The following EPHA6 variants were observed in gnomAD, a reference collection of about 807,000 sequenced individuals.
EPHA6 encodes the protein EPH receptor A6.
EPHA6 carries 50 observed loss-of-function variants against 112.0 expected under a neutral mutation model. The ratio of observed to expected loss-of-function variants is 0.45; its 90% confidence interval spans 0.36 to 0.56. The LOEUF (loss-of-function observed/expected upper bound fraction) is 0.56, where lower values mean the gene tolerates loss of function less well. Ranked by LOEUF, EPHA6 falls within the 20% of genes least tolerant of loss-of-function variation. The pLI is 0.00. For synonymous variants in EPHA6, 529 were observed against 490.7 expected (o/e 1.08, Z -1.03); for missense variants, 1,280 against 1,417.4 (o/e 0.90, Z 1.56).
At chr3:97,701,864 A>G (rs2033413683) in intron 14 of EPHA6, among the ~76,000 whole-genome samples, 1 of 152,156 alleles carries the variant, frequency 6.6e-6, no homozygotes, top group Non-Finnish European at 1.5e-5. Context: ...GGAACAATGT[A>G]TAGTGATTCC....
At chr3:97,521,283 T>A (rs1397826628) in intron 10 of EPHA6, among the ~76,000 whole-genome samples, 1 of 152,206 alleles carries the variant, frequency 6.6e-6, no homozygotes, top group East Asian at 1.9e-4. Context: ...GTTTCTTGTG[T>A]CTTTACATTT....
chr3:97,065,929 C>T (rs1305812352), intron 3 of EPHA6, among the ~76,000 whole-genome samples: 1 of 151,718 alleles, frequency 6.6e-6, no homozygotes, highest in Non-Finnish European at 1.5e-5. Context: ...TGCAGATGCT[C>T]ACAACTATAA....
intron 2 of EPHA6, among the ~76,000 whole-genome samples, chr3:96,902,132 G>A (rs1009034397): frequency 1.3e-5 from 2 of 152,160 alleles, no homozygotes; most frequent in African/African-American, 4.8e-5. Context: ...AAAGGACAAG[G>A]ACGATGGAGA....
At chr3:97,651,967 C>T (rs1195436794) in intron 14 of EPHA6, among the ~76,000 whole-genome samples, 3 of 151,896 alleles carry the variant, frequency 2.0e-5, no homozygotes, top group Non-Finnish European at 4.4e-5. Flanking sequence ...AGGTAGTGAG[C>T]ATAGAACCCA....
intron 3 of EPHA6, among the ~76,000 whole-genome samples, chr3:97,030,849 T>C (rs977643196): frequency 1.3e-5 from 2 of 152,054 alleles, no homozygotes; most frequent in African/African-American, 2.4e-5. Flanking sequence ...ATGAGAGTTT[T>C]TCTATCGCCA....
intron 2 of EPHA6, among the ~76,000 whole-genome samples, chr3:96,934,140 C>A (rs1182604323): frequency 6.6e-6 from 1 of 151,820 alleles, no homozygotes; most frequent in Non-Finnish European, 1.5e-5. Context: ...GTTCTATTCA[C>A]AGGGGCAAGT....
chr3:97,660,099 AT>A (rs1198040091), intron 14 of EPHA6, among the ~76,000 whole-genome samples: 1 of 152,008 alleles, frequency 6.6e-6, no homozygotes, highest in Non-Finnish European at 1.5e-5. Flanking sequence ...TCTTATGTGC[AT>A]TTTTTTAATT....
chr3:97,117,839 G>T (rs2047934675), intron 3 of EPHA6, among the ~76,000 whole-genome samples: 1 of 151,728 alleles, frequency 6.6e-6, no homozygotes, highest in Non-Finnish European at 1.5e-5. Context: ...AGTATGAATG[G>T]TGCAGCATAA....
chr3:96,827,332 C>G (rs916640904), intron 1 of EPHA6, among the ~76,000 whole-genome samples: 4 of 152,080 alleles, frequency 2.6e-5, no homozygotes, highest in African/African-American at 7.2e-5. Flanking sequence ...TTTTCCAGCC[C>G]TCATTCCTTA....
At chr3:97,193,354 T>A (rs951265684) in intron 3 of EPHA6, among the ~76,000 whole-genome samples, 5 of 152,104 alleles carry the variant, frequency 3.3e-5, no homozygotes, top group African/African-American at 1.2e-4. Context: ...AGATTTTTCA[T>A]TTGTTTGGTT....
At chr3:97,442,138 T>G (rs913626818) in intron 6 of EPHA6, among the ~76,000 whole-genome samples, 1 of 152,170 alleles carries the variant, frequency 6.6e-6, no homozygotes, top group African/African-American at 2.4e-5. Flanking sequence ...ATAAGCTCTT[T>G]TATCATTATT....
At position 97,186,575 on chromosome 3, in the gene EPHA6, C is replaced by T. The variant is rs372367948; in HGVS notation, c.1115-39689C>T. Among the ~76,000 whole-genome samples, 15 of 152,128 alleles carry T rather than the reference C, an allele frequency of 9.9e-5. No individual in the cohort carries two copies. In the East Asian group the frequency reaches 2.5e-3, roughly 26 times the overall value. ...AGGATTTACTGGGTGCCAAACGTATCGATTCAAAGTTTTTAATAAAGTCTG... is the reference window on the plus strand; with the variant it reads ...AGGATTTACTGGGTGCCAAACGTATTGATTCAAAGTTTTTAATAAAGTCTG... On this transcript the variant is annotated intron_variant, in intron 3 of 17. Coordinates refer to ENST00000389672, the MANE Select transcript of EPHA6 (RefSeq NM_001080448.3).
chr3:97,310,787 A>G (rs1328089832), intron 5 of EPHA6, among the ~76,000 whole-genome samples: 1 of 151,758 alleles, frequency 6.6e-6, no homozygotes, highest in African/African-American at 2.4e-5. Flanking sequence ...TTAAATATAT[A>G]AATTATTCCA....
At chr3:96,976,553 T>C (rs2042531544) in intron 2 of EPHA6, among the ~76,000 whole-genome samples, 1 of 152,118 alleles carries the variant, frequency 6.6e-6, no homozygotes, top group Non-Finnish European at 1.5e-5. Context: ...AAGTAAAACA[T>C]AGGTTTTTAA....
At chr3:97,529,634 A>T (rs188527904) in intron 10 of EPHA6, among the ~76,000 whole-genome samples, 140 of 151,564 alleles carry the variant, frequency 9.2e-4, no homozygotes, top group Admixed American at 1.2e-3. Flanking sequence ...TTAATTTAAA[A>T]TTTTTTTTTC....
chr3:97,545,799 A>G (rs1577724675), intron 11 of EPHA6, among the ~76,000 whole-genome samples: 1 of 152,134 alleles, frequency 6.6e-6, no homozygotes, highest in African/African-American at 2.4e-5. Flanking sequence ...TTGCTGAATT[A>G]ATCCCTTTAC....
At chr3:97,338,081 TGTGTGTGTGTGC>T (rs760529067) in intron 5 of EPHA6, among the ~76,000 whole-genome samples, 25 of 151,772 alleles carry the variant, frequency 1.6e-4, no homozygotes, top group Non-Finnish European at 3.4e-4. Context: ...AGATAATGGT[TGTGTGTGTGTGC>T]GTGTGTGTGT....
intron 5 of EPHA6, among the ~76,000 whole-genome samples, chr3:97,268,567 T>C (rs775458479): frequency 6.6e-6 from 1 of 152,216 alleles, no homozygotes; most frequent in Non-Finnish European, 1.5e-5. Context: ...GGAATGGCTA[T>C]CTTGGGGATG....
rs144408943 is a variant in EPHA6, at chr3:96,948,995, A to G, written c.451-38335A>G. On this transcript the variant is annotated intron_variant, in intron 2 of 17. Coordinates refer to ENST00000389672, the MANE Select transcript of EPHA6 (RefSeq NM_001080448.3). ...GAGTCCTGCTATGCTGTTGACCATC[A>G]CCATGTATGGTGTTTTGTTGTATGC... 1.8e-4 allele frequency among the ~76,000 whole-genome samples: 27 copies of G among 152,206 alleles called. 2 individuals are homozygous for G. Among genetic ancestry groups the G allele is most frequent in the African/African-American group, 6.0e-4 (25 of 41,550 alleles).
Sources: gnomAD v4.1 joint callset for allele counts (sites outside exome capture counted in the v4.1 genomes callset) on GRCh38, gnomAD v4.1.1 for gene constraint, MANE v1.5 for transcripts, NCBI Gene and HGNC (gene_info 2026-07-23, HGNC 2026-07-21) for gene names.